Variants in TNFRSF10C observed in about 807,000 individuals in gnomAD.
TNFRSF10C encodes the protein TNF receptor superfamily member 10c.
Under a neutral mutation model 16.7 loss-of-function variants are expected in TNFRSF10C, and 17 were observed. The ratio of observed to expected loss-of-function variants is 1.02; its 90% confidence interval spans 0.70 to 1.53. The LOEUF (loss-of-function observed/expected upper bound fraction) is 1.53. Ranked by LOEUF, TNFRSF10C falls within the 40% of genes most tolerant of loss-of-function variation. The pLI is 0.00. For missense variants in TNFRSF10C, 237 were observed against 329.7 expected, an observed-to-expected ratio of 0.72 and a Z score of 2.18; for synonymous variants, 73 against 119.7, an observed-to-expected ratio of 0.61 and a Z score of 2.55.
intron 2 of TNFRSF10C, among the ~76,000 whole-genome samples, chr8:23,113,672 T>C (rs1445338511): frequency 6.6e-6 from 1 of 152,228 alleles, no homozygotes; most frequent in Non-Finnish European, 1.5e-5. Flanking sequence ...TGTTGTGCCA[T>C]TACCATTCAG....
chr8:23,108,482 G>A (rs895747017), intron 1 of TNFRSF10C, among the ~76,000 whole-genome samples: 4 of 152,310 alleles, frequency 2.6e-5, no homozygotes, highest in African/African-American at 7.2e-5. Context: ...GGTGTCAGAA[G>A]CGGGGACCCC....
At position 23,116,633 on chromosome 8, in the gene TNFRSF10C, G is replaced by A; in HGVS notation, c.390-8G>A. 1.9e-6 allele frequency: 3 copies of A among 1,611,490 alleles called. No individual in the cohort carries two copies. Among genetic ancestry groups the A allele is most frequent in the South Asian group, 1.1e-5 (1 of 90,752 alleles). ...GGAGTCCTCACCTCCCTCTCTGTGT[G>A]TACCCAGGTGCCCTAGTGGGGAAGT... On this transcript the variant is annotated splice_region_variant and splice_polypyrimidine_tract_variant and intron_variant, in intron 4 of 4. Coordinates refer to ENST00000356864, the MANE Select transcript of TNFRSF10C (RefSeq NM_003841.5).
chr8:23,104,460 G>T (rs183034607), intron 1 of TNFRSF10C, among the ~76,000 whole-genome samples: 904 of 151,980 alleles, frequency 5.9e-3, no homozygotes, highest in African/African-American at 0.019. Context: ...CCATCCTGAC[G>T]GCCTTTGCTA....
intron 1 of TNFRSF10C, among the ~76,000 whole-genome samples, chr8:23,105,896 T>C (rs114029126): frequency 1.7e-3 from 253 of 152,280 alleles, no homozygotes; most frequent in African/African-American, 5.8e-3. Flanking sequence ...TTACAAGTGG[T>C]AAAATGAGAT....
Position 23,117,252 on chromosome 8 carries a change from T to C in TNFRSF10C, c.*221T>C. ...ACATCCCGTGCACCCCCCAGGACCC[T>C]GGTCTCATCAGTCCCTCTCCTGGAG... On this transcript the variant is annotated 3_prime_UTR_variant, in exon 5 of 5. Transcript: ENST00000356864. 1.5e-6 allele frequency: 1 copy of C among 685,908 alleles called. No homozygotes were observed. The allele number at this position is 685,908 out of a possible 1,614,324, so 42.5% of individuals were successfully genotyped here.
At chr8:23,115,720 C>A in intron 4 of TNFRSF10C, 104 bp downstream of exon 4, 1 of 864,650 alleles carries the variant, frequency 1.2e-6, no homozygotes. Flanking sequence ...CCTCCAGACC[C>A]ATGGGGTGTC....
At chr8:23,105,328 G>T (rs1813756115) in intron 1 of TNFRSF10C, among the ~76,000 whole-genome samples, 1 of 152,186 alleles carries the variant, frequency 6.6e-6, no homozygotes, top group Non-Finnish European at 1.5e-5. Context: ...CTCAGGGCTG[G>T]TGTCACTCAC....
In TNFRSF10C at chr8:23,114,791, T is replaced by TG. The variant is rs755135173; in HGVS notation, c.280+21_280+22insG. Reference sequence around the variant, plus strand: ...ATCAGGTACAGAATGTGTGGACCTCTTGTCCAGAGGTGGAGCGTGGGGCAA... The same window carrying TG: ...ATCAGGTACAGAATGTGTGGACCTCTGTGTCCAGAGGTGGAGCGTGGGGCAA... On this transcript the variant is annotated intron_variant, in intron 3 of 4. Transcript: ENST00000356864. The TG allele has an allele frequency of 1.0e-5, 16 of 1,601,934 alleles. No individual in the cohort carries two copies. In the African/African-American group the frequency reaches 2.1e-4, roughly 21 times the overall value.
At chr8:23,116,020 T>C (rs917254326) in intron 4 of TNFRSF10C, among the ~76,000 whole-genome samples, 2 of 152,202 alleles carry the variant, frequency 1.3e-5, no homozygotes, top group African/African-American at 4.8e-5. Flanking sequence ...CTTTTTAATA[T>C]TTTTTATGCA....
intron 4 of TNFRSF10C, among the ~76,000 whole-genome samples, chr8:23,116,186 G>A (rs1161715921): frequency 6.6e-6 from 1 of 152,108 alleles, no homozygotes; most frequent in African/African-American, 2.4e-5. Flanking sequence ...TTCCCTATTT[G>A]GGCTTTAAGG....
chr8:23,105,386 C>T (rs555787091), intron 1 of TNFRSF10C, among the ~76,000 whole-genome samples: 1 of 151,778 alleles, frequency 6.6e-6, no homozygotes, highest in Non-Finnish European at 1.5e-5. Flanking sequence ...CAGAGGCTGC[C>T]CCTGTTCCTA....
At chr8:23,104,824 G>A (rs1415140566) in intron 1 of TNFRSF10C, among the ~76,000 whole-genome samples, 1 of 152,204 alleles carries the variant, frequency 6.6e-6, no homozygotes, top group African/African-American at 2.4e-5. Flanking sequence ...GGTACTGGGA[G>A]TAGACCAGGG....
chr8:23,117,235 T>A lies in TNFRSF10C; in HGVS notation c.*204T>A. On this transcript the variant is annotated 3_prime_UTR_variant, in exon 5 of 5. Transcript: ENST00000356864. Reference sequence around the variant, plus strand: ...GTGATCGTCCCATCCCCACATCCCGTGCACCCCCCAGGACCCTGGTCTCAT... The same window carrying A: ...GTGATCGTCCCATCCCCACATCCCGAGCACCCCCCAGGACCCTGGTCTCAT... 1.3e-6 allele frequency: 1 copy of A among 773,636 alleles called. No homozygotes were observed. The highest frequency in any genetic ancestry group is 2.0e-6 in the Non-Finnish European group (1 of 494,636). The allele number at this position is 773,636 out of a possible 1,614,324, so 47.9% of individuals were successfully genotyped here.
intron 1 of TNFRSF10C, among the ~76,000 whole-genome samples, chr8:23,105,922 T>C (rs1227774070): frequency 6.6e-6 from 1 of 152,188 alleles, no homozygotes; most frequent in Non-Finnish European, 1.5e-5. Flanking sequence ...GCTAGAGTTC[T>C]CTGAGCAGCT....
intron 1 of TNFRSF10C, among the ~76,000 whole-genome samples, chr8:23,104,522 T>C (rs1388675711): frequency 6.6e-6 from 1 of 152,208 alleles, no homozygotes; most frequent in Non-Finnish European, 1.5e-5. Flanking sequence ...TGTCCACATA[T>C]CCATGCACAC....
intron 4 of TNFRSF10C, among the ~76,000 whole-genome samples, chr8:23,116,106 T>A (rs1813978474): frequency 6.6e-6 from 1 of 152,168 alleles, no homozygotes; most frequent in South Asian, 2.1e-4. Flanking sequence ...CTCCTTCAAG[T>A]TCCCATGAAG....
At chr8:23,104,171 C>A (rs936011102) in intron 1 of TNFRSF10C, among the ~76,000 whole-genome samples, 1 of 152,190 alleles carries the variant, frequency 6.6e-6, no homozygotes, top group Non-Finnish European at 1.5e-5. Context: ...GCATGGATGA[C>A]CAGTGTAGAC....
intron 1 of TNFRSF10C, among the ~76,000 whole-genome samples, chr8:23,109,316 C>T (rs1051770443): frequency 4.1e-4 from 63 of 152,026 alleles, no homozygotes; most frequent in African/African-American, 1.5e-3. Context: ...AATTGTGTCT[C>T]ACTAAAGCTG....
chr8:23,115,408 G>C (rs1813961050), intron 3 of TNFRSF10C, 100 bp from the exon 4 acceptor site: 1 of 967,946 alleles, frequency 1.0e-6, no homozygotes, highest in African/African-American at 1.6e-5. Flanking sequence ...AGAACTCCTT[G>C]GTGAACTTGG....
Sources: gnomAD v4.1 joint callset for allele counts (sites outside exome capture counted in the v4.1 genomes callset) on GRCh38, gnomAD v4.1.1 for gene constraint, MANE v1.5 for transcripts, NCBI Gene and HGNC (gene_info 2026-07-23, HGNC 2026-07-21) for gene names.